CHLSN: variants seen among roughly 807,000 people sequenced by gnomAD.
The protein encoded by CHLSN is protein cholesin.
the CHLSN span, among the ~76,000 whole-genome samples, chr7:1,097,679 C>T: frequency 6.6e-6 from 1 of 152,170 alleles, no homozygotes; most frequent in Non-Finnish European, 1.5e-5. This position sits in a 1 kb window ranked among gnomAD's most constrained non-coding sequence, Gnocchi z 4.3. Context: ...CTGTCCCCCA[C>T]GGATGGCTCA....
the CHLSN span, among the ~76,000 whole-genome samples, chr7:1,106,509 C>T: frequency 1.1e-3 from 162 of 151,410 alleles, no homozygotes; most frequent in South Asian, 2.1e-3. Context: ...CTGGAGGGGC[C>T]GAGAGCTTCC....
chr7:1,050,449 C>T, the CHLSN span, among the ~76,000 whole-genome samples: 5 of 152,248 alleles, frequency 3.3e-5, no homozygotes, highest in East Asian at 3.8e-4. Context: ...CCTGTCCCAT[C>T]GGTCCCTGTG....
At chr7:1,002,142 AGT>A in the CHLSN span, among the ~76,000 whole-genome samples, 1 of 69,362 alleles carries the variant, frequency 1.4e-5, no homozygotes, top group Non-Finnish European at 2.8e-5. Context: ...CCTGTGGGTG[AGT>A]GGAGTCCTGT....
chr7:1,117,277 G>A, the CHLSN span, among the ~76,000 whole-genome samples: 2 of 70,744 alleles, frequency 2.8e-5, no homozygotes, highest in South Asian at 5.5e-4. Flanking sequence ...TTCCATCACC[G>A]ACGCCCACGC....
the CHLSN span, among the ~76,000 whole-genome samples, chr7:1,072,647 T>C: frequency 6.6e-6 from 1 of 151,670 alleles, no homozygotes; most frequent in Non-Finnish European, 1.5e-5. Context: ...TAGAAAGGCT[T>C]TAATTATGGA....
At chr7:1,009,637 A>C in the CHLSN span, among the ~76,000 whole-genome samples, 7 of 152,138 alleles carry the variant, frequency 4.6e-5, 1 homozygote, top group Non-Finnish European at 8.8e-5. Context: ...TCCAAGCAGC[A>C]CCCAGGCCCG....
At chr7:1,035,937 A>C in the CHLSN span, among the ~76,000 whole-genome samples, 86,332 of 151,882 alleles carry the variant, frequency 0.57, 25,008 homozygotes, top group African/African-American at 0.61. Context: ...CAGACAGCAC[A>C]AGAAAGGCTC....
the CHLSN span, chr7:997,231 T>C: frequency 5.9e-5 from 10 of 168,174 alleles, no homozygotes; most frequent in East Asian, 1.5e-3. Flanking sequence ...AGGTGCAGGT[T>C]TGCAGCTGGC....
chr7:1,008,194 C>A, the CHLSN span, among the ~76,000 whole-genome samples: 4 of 152,206 alleles, frequency 2.6e-5, no homozygotes, highest in Non-Finnish European at 4.4e-5. Flanking sequence ...ACAGTCCATT[C>A]CTGCGGCTGG....
the CHLSN span, among the ~76,000 whole-genome samples, chr7:1,128,069 G>A: frequency 9.6e-4 from 19 of 19,728 alleles, no homozygotes; most frequent in African/African-American, 1.2e-3. Flanking sequence ...GTGCAGTGGC[G>A]CGATCTCGGC....
At chr7:1,115,631 C>T in the CHLSN span, among the ~76,000 whole-genome samples, 66 of 132,368 alleles carry the variant, frequency 5.0e-4, 4 homozygotes, top group African/African-American at 1.7e-3. Flanking sequence ...ATCACCAACG[C>T]CCACGCAGGA....
the CHLSN span, chr7:985,353 G>A: frequency 6.5e-7 from 1 of 1,545,198 alleles, no homozygotes; most frequent in Admixed American, 2.0e-5. Flanking sequence ...CCTTGGGGTG[G>A]GGTGGAGCCT....
At chr7:1,051,650 A>C in the CHLSN span, among the ~76,000 whole-genome samples, 29 of 152,220 alleles carry the variant, frequency 1.9e-4, 1 homozygote, top group Admixed American at 1.6e-3. Context: ...AGTAGGTGCA[A>C]GGCTGGCCCT....
chr7:1,052,377 T>C, the CHLSN span, among the ~76,000 whole-genome samples: 2 of 151,716 alleles, frequency 1.3e-5, no homozygotes, highest in African/African-American at 4.8e-5. The surrounding 1 kb of genome is among the most constrained non-coding windows in gnomAD (Gnocchi z 4.2). Context: ...GGCACCGACG[T>C]GGGCCTGGGG....
chr7:1,051,362 C>T, the CHLSN span, among the ~76,000 whole-genome samples: 4 of 152,250 alleles, frequency 2.6e-5, no homozygotes, highest in Non-Finnish European at 4.4e-5. Context: ...TGAGCCAGGC[C>T]GCCGAGGTTC....
At chr7:1,122,477 G>A in the CHLSN span, among the ~76,000 whole-genome samples, 1 of 152,020 alleles carries the variant, frequency 6.6e-6, no homozygotes, top group Non-Finnish European at 1.5e-5. Flanking sequence ...ATACGGCTCC[G>A]TGGCTTCAGA....
At chr7:1,099,771 A>T in the CHLSN span, among the ~76,000 whole-genome samples, 1 of 152,138 alleles carries the variant, frequency 6.6e-6, no homozygotes, top group African/African-American at 2.4e-5. Flanking sequence ...CCAGGTGAGG[A>T]CACAAGCTGT....
At chr7:1,016,938 GC>G in the CHLSN span, among the ~76,000 whole-genome samples, 3 of 42,732 alleles carry the variant, frequency 7.0e-5, no homozygotes, top group African/African-American at 1.0e-4. Flanking sequence ...AGCAGCACAC[GC>G]CAGCACACGC....
At chr7:1,013,727 C>T in the CHLSN span, among the ~76,000 whole-genome samples, 2 of 152,144 alleles carry the variant, frequency 1.3e-5, no homozygotes, top group Non-Finnish European at 2.9e-5. Context: ...ATGTCTAAAG[C>T]CGGCGTCTCT....
Sources: allele counts gnomAD v4.1 joint callset (sites outside exome capture counted in the v4.1 genomes callset), GRCh38; gene constraint gnomAD v4.1.1; non-coding constraint Gnocchi (gnomAD v3.1); transcripts MANE v1.5; gene names NCBI Gene and HGNC (gene_info 2026-07-23, HGNC 2026-07-21).